Variants in HSPB8 observed in about 807,000 individuals in gnomAD.
The protein encoded by HSPB8 is heat shock protein beta-8.
HSPB8 carries 9 observed loss-of-function variants against 16.5 expected under a neutral mutation model. The ratio of observed to expected loss-of-function variants is 0.55; its 90% CI spans 0.33 to 0.95. The LOEUF (loss-of-function observed/expected upper bound fraction) is 0.95, where lower values mean the gene tolerates loss of function less well. HSPB8 is among the 40% of genes least tolerant of loss of function. The pLI is 0.03. For missense variants in HSPB8, 238 were observed against 251.2 expected (o/e 0.95, Z 0.35); for synonymous variants, 99 against 94.8 (o/e 1.04, Z -0.26).
chr12:119,183,376 A>G (rs11064694), intron 1 of HSPB8: 14,493 of 152,194 alleles, frequency 0.095, 921 homozygotes, highest in East Asian at 0.22. Flanking sequence ...GACCCTGGCT[A>G]AGATAGAGAC....
chr12:119,192,745 A>G (rs1408360978), intron 2 of HSPB8, among the ~76,000 whole-genome samples: 3 of 152,128 alleles, frequency 2.0e-5, no homozygotes, highest in Non-Finnish European at 1.5e-5. Flanking sequence ...CATACCTGAG[A>G]CTACATAATT....
At position 119,181,633 on chromosome 12, in the gene HSPB8, G is replaced by A. The variant is rs113159492; in HGVS notation, c.367+1954G>A. On this transcript the variant is annotated intron_variant, in intron 1 of 2. Coordinates refer to ENST00000281938, the MANE Select transcript of HSPB8 (RefSeq NM_014365.3). ...AGGAATTAGTATTATTATTGTCGTCGTTATTGTTATAGTGTCAGGCATCCA... is the reference window on the plus strand; with the variant it reads ...AGGAATTAGTATTATTATTGTCGTCATTATTGTTATAGTGTCAGGCATCCA... Among the ~76,000 whole-genome samples, 50 of 152,130 alleles carry A rather than the reference G, an allele frequency of 3.3e-4. 1 individual carries two copies. Among genetic ancestry groups the A allele is most frequent in the Admixed American group, 8.5e-4 (13 of 15,278 alleles).
At chr12:119,192,121 C>G (rs1954716228) in intron 2 of HSPB8, among the ~76,000 whole-genome samples, 1 of 152,104 alleles carries the variant, frequency 6.6e-6, no homozygotes, top group African/African-American at 2.4e-5. Context: ...TTGAAGAAAC[C>G]AAATTCTCAA....
chr12:119,193,592 T>C (rs1954725262), intron 2 of HSPB8, 107 bp from the exon 3 acceptor site: 8 of 1,200,112 alleles, frequency 6.7e-6, no homozygotes, highest in East Asian at 2.4e-5. Context: ...ACATTGTATG[T>C]CCCCAAAGCC....
In HSPB8 at chr12:119,193,862, G is replaced by A. The variant is rs776499403; in HGVS notation, c.*4G>A. The A allele has an allele frequency of 6.2e-7, 1 of 1,614,092 alleles. No homozygotes were observed. Among genetic ancestry groups the A allele is most frequent in the East Asian group, 2.2e-5 (1 of 44,876 alleles). ...CCAGGAAGTCACCTGTACCTGAGAT[G>A]CCAGTACTGGCCCATCCTTGTTTTG... On this transcript the variant is annotated 3_prime_UTR_variant, in exon 3 of 3. Coordinates refer to ENST00000281938, the MANE Select transcript of HSPB8 (RefSeq NM_014365.3).
rs1277387857 is a variant in HSPB8, at chr12:119,179,530, C to A, written c.218C>A (p.Pro73His). The A allele has an allele frequency of 6.2e-7, 1 of 1,613,730 alleles. No individual in the cohort carries two copies. The highest frequency in any genetic ancestry group is 2.2e-5 in the East Asian group (1 of 44,874). ...TLRSGMVPRG[P>H]TATARFGVPA... ...AGGTCGGGCATGGTGCCCCGGGGCC[C>A]CACTGCCACCGCCAGGTTTGGGGTG... The change falls in exon 1 of 3, where the codon CCC becomes CAC. Residue 73 changes from proline to histidine, a missense_variant. Pro to His is a moderately conservative substitution (Grantham distance 77). Transcript: ENST00000281938.
In HSPB8 at chr12:119,193,498, A is replaced by G. The variant is rs375841672; in HGVS notation, c.432-201A>G. Among the ~76,000 whole-genome samples the G allele has an allele frequency of 4.6e-5, 7 of 152,354 alleles. No homozygotes were observed. In the South Asian group the frequency reaches 1.2e-3, roughly 27 times the overall value. On this transcript the variant is annotated intron_variant, in intron 2 of 2. Coordinates refer to ENST00000281938, the MANE Select transcript of HSPB8 (RefSeq NM_014365.3). ...TTCAGTATTATTATCCTCATTTTGC[A>G]GATGAGAAAACAAGCTCAGAGCAAC...
At chr12:119,191,919 A>G (rs1954714994) in intron 2 of HSPB8, among the ~76,000 whole-genome samples, 4 of 152,192 alleles carry the variant, frequency 2.6e-5, no homozygotes, top group Admixed American at 2.6e-4. Context: ...CTGAGTCTCA[A>G]TTTCCTCATC....
In HSPB8 at chr12:119,186,926, G is replaced by A. The variant is rs1029731696; in HGVS notation, c.368-99G>A. 51 of 1,131,860 alleles carry A rather than the reference G, an allele frequency of 4.5e-5. No homozygotes were observed. The African/African-American group carries it at 5.0e-4, about 11-fold the overall frequency. The allele number at this position is 1,131,860 out of a possible 1,614,324, so 70.1% of individuals were successfully genotyped here. A position where few individuals can be genotyped will look rare whatever the true frequency, so the allele number is the denominator to read the frequency against. On this transcript the variant is annotated intron_variant, in intron 1 of 2. Coordinates refer to ENST00000281938, the MANE Select transcript of HSPB8 (RefSeq NM_014365.3). The stretch of plus-strand genomic sequence containing the variant: ...CTCTAGGGTAGGCCTAAGTCACACA[G>A]CAAGGCAGGTCCAGGGCCAGGATTT...
At chr12:119,182,375 A>G (rs1954644354) in intron 1 of HSPB8, among the ~76,000 whole-genome samples, 1 of 152,200 alleles carries the variant, frequency 6.6e-6, no homozygotes, top group Non-Finnish European at 1.5e-5. Flanking sequence ...GCGGTGGCTC[A>G]TGCCTGTAAT....
Position 119,191,051 on chromosome 12 carries a change from C to A in HSPB8, c.432-2648C>A, listed in dbSNP as rs78772180. Among the ~76,000 whole-genome samples the A allele has an allele frequency of 5.0e-3, 760 of 152,218 alleles. 19 individuals are homozygous for A. The East Asian group carries it at 0.053, about 11-fold the overall frequency. On this transcript the variant is annotated intron_variant, in intron 2 of 2. Transcript: ENST00000281938. ...CATTGTCATGGACAATCAGGAAGAT[C>A]CTTTGGGGCCCTGATACTCTGTGGT...
chr12:119,183,588 A>G lies in HSPB8; in HGVS notation c.368-3437A>G, dbSNP rs1199205679. Among the ~76,000 whole-genome samples, 4 of 152,346 alleles carry G rather than the reference A, an allele frequency of 2.6e-5. No homozygotes were observed. The East Asian group carries it at 7.7e-4, about 29-fold the overall frequency. On this transcript the variant is annotated intron_variant, in intron 1 of 2. Coordinates refer to ENST00000281938, the MANE Select transcript of HSPB8 (RefSeq NM_014365.3). ...TGTATTTCTAAAAATCATAATAATT[A>G]CTTTTTTCAGTTTACAAAAATAAAA... is the stretch of plus-strand genomic sequence containing the variant.
At chr12:119,180,746 A>C (rs564457673) in intron 1 of HSPB8, among the ~76,000 whole-genome samples, 88 of 152,342 alleles carry the variant, frequency 5.8e-4, no homozygotes, top group African/African-American at 2.1e-3. Flanking sequence ...ACACTCCATT[A>C]AAAAGAATGT....
intron 2 of HSPB8, 56 bp from the exon 3 acceptor site, chr12:119,193,643 G>T: frequency 6.4e-7 from 1 of 1,569,364 alleles, no homozygotes; most frequent in Non-Finnish European, 8.8e-7. Context: ...GTGAATAAAA[G>T]AATGTTTAAG....
intron 2 of HSPB8, among the ~76,000 whole-genome samples, chr12:119,189,886 T>C (rs1288134948): frequency 6.6e-6 from 1 of 152,102 alleles, no homozygotes; most frequent in East Asian, 1.9e-4. Context: ...AACTAAAGGG[T>C]CCCAGGACCC....
At chr12:119,184,940 G>T (rs571111773) in intron 1 of HSPB8, among the ~76,000 whole-genome samples, 1 of 152,230 alleles carries the variant, frequency 6.6e-6, no homozygotes, top group East Asian at 1.9e-4. Flanking sequence ...ATTATAATGT[G>T]TTAGCAAGAG....
rs80112438 is a variant in HSPB8 at position 119,179,984 on chromosome 12, G to A, written c.367+305G>A. Reference sequence around the variant, plus strand: ...AGAGGGCATTTAATATAAAGAATAGGTTAAGCAGATATCAAAGAATTAAAA... The same window carrying A: ...AGAGGGCATTTAATATAAAGAATAGATTAAGCAGATATCAAAGAATTAAAA... On this transcript the variant is annotated intron_variant, in intron 1 of 2. Coordinates refer to ENST00000281938, the MANE Select transcript of HSPB8 (RefSeq NM_014365.3). 0.012 allele frequency among the ~76,000 whole-genome samples: 1,835 copies of A among 152,238 alleles called. 37 individuals are homozygous for A. Among genetic ancestry groups the A allele is most frequent in the African/African-American group, 0.042 (1,748 of 41,532 alleles).
chr12:119,188,108 C>T (rs1291833666), intron 2 of HSPB8, among the ~76,000 whole-genome samples: 1 of 152,148 alleles, frequency 6.6e-6, no homozygotes, highest in Non-Finnish European at 1.5e-5. Flanking sequence ...CTATAGGGAG[C>T]AGAGTTGCAC....
chr12:119,193,987 A>T lies in HSPB8; in HGVS notation c.*129A>T. 1 of 973,414 alleles carries T rather than the reference A, an allele frequency of 1.0e-6. No individual in the cohort carries two copies. The highest frequency in any genetic ancestry group is 1.3e-5 in the South Asian group (1 of 74,872). The allele number at this position is 973,414 out of a possible 1,614,324, so 60.3% of individuals were successfully genotyped here. The stretch of plus-strand genomic sequence containing the variant: ...TTAGAGGGTGCGGGGGTGAGGACTG[A>T]CCACAGATTCCCTGGATAGTGTAGT... On this transcript the variant is annotated 3_prime_UTR_variant, in exon 3 of 3. Transcript: ENST00000281938.
Sources: gnomAD v4.1 joint callset for allele counts (sites outside exome capture counted in the v4.1 genomes callset) on GRCh38, gnomAD v4.1.1 for gene constraint, MANE v1.5 for transcripts, NCBI Gene and HGNC (gene_info 2026-07-23, HGNC 2026-07-21) for gene names.